FBXL17: variants seen among roughly 807,000 people sequenced by gnomAD.
FBXL17 encodes F-box/LRR-repeat protein 17.
A neutral mutation model predicts 66.2 loss-of-function variants in FBXL17; 22 were observed. The observed-to-expected ratio is 0.33, with a 90% CI of 0.24 to 0.47. The LOEUF (loss-of-function observed/expected upper bound fraction) is 0.47. Ranked by LOEUF, FBXL17 falls within the 20% of genes least tolerant of loss-of-function variation. The pLI, the probability that FBXL17 is intolerant of heterozygous loss-of-function variation, is 1.00. For missense variants in FBXL17, 878 were observed against 948.2 expected, an observed-to-expected ratio of 0.93 and a Z score of 0.97; for synonymous variants, 474 against 400.5, an observed-to-expected ratio of 1.18 and a Z score of -2.19.
intron 8 of FBXL17, among the ~76,000 whole-genome samples, chr5:107,876,461 G>A (rs1398420481): frequency 6.6e-6 from 1 of 152,204 alleles, no homozygotes; most frequent in African/African-American, 2.4e-5. Context: ...CTACGTTTAT[G>A]ATGTTATTCA....
At chr5:108,343,574 A>C (rs1216843502) in intron 4 of FBXL17, among the ~76,000 whole-genome samples, 1 of 152,178 alleles carries the variant, frequency 6.6e-6, no homozygotes, top group Non-Finnish European at 1.5e-5. Context: ...CTCATATATA[A>C]ACCCATTAAT....
intron 4 of FBXL17, among the ~76,000 whole-genome samples, chr5:108,273,065 C>T (rs558763618): frequency 2.0e-4 from 30 of 152,188 alleles, no homozygotes; most frequent in Middle Eastern, 3.4e-3. Context: ...CCACAAAAAC[C>T]GGCAAGTTTT....
intron 6 of FBXL17, among the ~76,000 whole-genome samples, chr5:108,047,905 TC>T (rs1183075010): frequency 1.3e-5 from 2 of 151,944 alleles, no homozygotes; most frequent in African/African-American, 2.4e-5. Flanking sequence ...CAAATGGGGT[TC>T]CCCCCAGCGA....
intron 4 of FBXL17, among the ~76,000 whole-genome samples, chr5:108,336,968 A>G (rs930753305): frequency 2.6e-5 from 4 of 152,102 alleles, no homozygotes; most frequent in African/African-American, 9.7e-5. Context: ...TCCTTATCTC[A>G]AAGAGAATTT....
rs569620865 is a variant in FBXL17 at position 108,200,795 on chromosome 5, A to G, written c.1615-14548T>C. Among the ~76,000 whole-genome samples the G allele has an allele frequency of 9.9e-5, 15 of 152,224 alleles. No homozygotes were observed. The East Asian group carries it at 1.2e-3, about 12-fold the overall frequency. On this transcript the variant is annotated intron_variant, in intron 5 of 8. Transcript: ENST00000542267. ...AGCTATGCTCCTGAAGGTTTTGTAA[A>G]TACACTGTGATCAACAGCTTTTGTG...
chr5:108,050,921 C>G (rs1020015651), intron 6 of FBXL17, among the ~76,000 whole-genome samples: 6 of 152,022 alleles, frequency 3.9e-5, no homozygotes, highest in African/African-American at 1.4e-4. Flanking sequence ...ACTGATACCA[C>G]AGAAATACAA....
intron 5 of FBXL17, among the ~76,000 whole-genome samples, chr5:108,212,965 A>G (rs1754440822): frequency 6.6e-6 from 1 of 152,060 alleles, no homozygotes; most frequent in South Asian, 2.1e-4. Context: ...GGTTTTATCT[A>G]TATGTCCCTG....
At chr5:108,299,663 A>G in intron 4 of FBXL17, 1 of 982,892 alleles carries the variant, frequency 1.0e-6, no homozygotes, top group Non-Finnish European at 1.2e-6. Context: ...TTAAAAAAAA[A>G]AAAGGCCAGC....
intron 7 of FBXL17, among the ~76,000 whole-genome samples, chr5:107,896,826 C>T (rs987243864): frequency 6.9e-6 from 1 of 145,122 alleles, no homozygotes; most frequent in African/African-American, 2.6e-5. Flanking sequence ...GCTGTCATTG[C>T]AGCTAGGCCA....
chr5:107,938,055 G>A (rs1370439169), intron 7 of FBXL17, among the ~76,000 whole-genome samples: 1 of 152,140 alleles, frequency 6.6e-6, no homozygotes, highest in Non-Finnish European at 1.5e-5. Flanking sequence ...AGTAAACACT[G>A]AGAGAGGAGC....
intron 4 of FBXL17, among the ~76,000 whole-genome samples, chr5:108,229,068 T>C (rs182198285): frequency 2.0e-5 from 3 of 152,216 alleles, no homozygotes; most frequent in Non-Finnish European, 4.4e-5. Flanking sequence ...TTGTTAAAAA[T>C]GCAAAATCTG....
intron 6 of FBXL17, among the ~76,000 whole-genome samples, chr5:108,154,674 TATATATATACACATATATATGTATATAC>T (rs1751922360): frequency 2.1e-5 from 3 of 143,280 alleles, no homozygotes; most frequent in Non-Finnish European, 3.0e-5. Context: ...TATATATGTG[TATATATATACACATATATATGTATATAC>T]ATATATATGT....
intron 4 of FBXL17, among the ~76,000 whole-genome samples, chr5:108,263,953 C>T (rs757591539): frequency 1.1e-4 from 16 of 152,074 alleles, no homozygotes; most frequent in African/African-American, 2.7e-4. Flanking sequence ...CAGTGGCTCA[C>T]GCCTGTAATC....
intron 7 of FBXL17, among the ~76,000 whole-genome samples, chr5:108,019,415 A>G (rs1020083212): frequency 4.6e-4 from 70 of 152,212 alleles, no homozygotes; most frequent in Admixed American, 2.3e-3. Flanking sequence ...CCTTCAGGAT[A>G]AAGTGTGACT....
chr5:107,942,664 A>G, intron 7 of FBXL17, among the ~76,000 whole-genome samples: 1 of 151,918 alleles, frequency 6.6e-6, no homozygotes, highest in East Asian at 1.9e-4. Context: ...TGCACTCATG[A>G]CTACTACTCT....
At chr5:108,366,356 A>C (rs1254829174) in intron 2 of FBXL17, among the ~76,000 whole-genome samples, 1 of 152,090 alleles carries the variant, frequency 6.6e-6, no homozygotes, top group Non-Finnish European at 1.5e-5. Context: ...AAAATAATGG[A>C]GACAGAAAAT....
At chr5:107,913,598 A>G (rs1035604951) in intron 7 of FBXL17, among the ~76,000 whole-genome samples, 6 of 151,954 alleles carry the variant, frequency 3.9e-5, no homozygotes, top group Non-Finnish European at 1.5e-5. Context: ...CTTTAAGTGA[A>G]GTAGGTCCAC....
chr5:107,990,133 C>T (rs183800324), intron 7 of FBXL17, among the ~76,000 whole-genome samples: 207 of 152,278 alleles, frequency 1.4e-3, no homozygotes, highest in Non-Finnish European at 1.8e-3. Flanking sequence ...TTCTGGCATC[C>T]TCCTATGACA....
Position 108,062,424 on chromosome 5 carries a change from A to AT in FBXL17, c.1746-41424dup, listed in dbSNP as rs1222552335. On this transcript the variant is annotated intron_variant, in intron 6 of 8. Coordinates refer to ENST00000542267, the MANE Select transcript of FBXL17 (RefSeq NM_001163315.3). ...AAAATTCATATCTTTAATAGTATAG[A>AT]TATCAATTAAAAAGAACACAAAACT... 2.0e-5 allele frequency among the ~76,000 whole-genome samples: 3 copies of AT among 152,140 alleles called. No homozygotes were observed. The East Asian group carries it at 5.8e-4, about 29-fold the overall frequency.
Sources: gnomAD v4.1 joint callset for allele counts (sites outside exome capture counted in the v4.1 genomes callset) on GRCh38, gnomAD v4.1.1 for gene constraint, MANE v1.5 for transcripts, NCBI Gene and HGNC (gene_info 2026-07-23, HGNC 2026-07-21) for gene names.